MCM4: variants seen among roughly 807,000 people sequenced by gnomAD.
MCM4 encodes the protein DNA replication licensing factor MCM4.
In MCM4, 60 loss-of-function variants were observed where a neutral mutation model predicts 88.7. The observed-to-expected ratio is 0.68, with a 90% CI of 0.55 to 0.84. The LOEUF (loss-of-function observed/expected upper bound fraction) is 0.84. MCM4 is among the 40% of genes least tolerant of loss of function. MCM4 has a pLI of 0.00. For missense variants in MCM4, 1,149 were observed against 1,105.5 expected, an observed-to-expected ratio of 1.04 and a Z score of -0.56; for synonymous variants, 465 against 410.5, an observed-to-expected ratio of 1.13 and a Z score of -1.61.
At chr8:47,963,159 A>G (rs1185994439) in intron 7 of MCM4, 119 bp downstream of exon 7, 1 of 634,046 alleles carries the variant, frequency 1.6e-6, no homozygotes, top group Non-Finnish European at 2.7e-6. Context: ...GAAACTGAGT[A>G]TCATCTCCTT....
chr8:47,973,150 A>G (rs1207537024), intron 14 of MCM4, 86 bp downstream of exon 14: 2 of 1,182,612 alleles, frequency 1.7e-6, no homozygotes, highest in Non-Finnish European at 1.2e-6. Context: ...AATATTAATT[A>G]TTTTGTTACG....
intron 11 of MCM4, 79 bp downstream of exon 11, chr8:47,970,136 C>A: frequency 6.8e-7 from 1 of 1,481,020 alleles, no homozygotes; most frequent in Non-Finnish European, 9.2e-7. Context: ...CTCCGCCACT[C>A]GAGCCATCCG....
chr8:47,962,854 G>A lies in MCM4; in HGVS notation c.592G>A (p.Gly198Arg). Reference protein sequence around the residue: ...ITEPLYMQRLGEINVIGEPFL... With the variant: ...ITEPLYMQRLREINVIGEPFL... Reference sequence around the variant, plus strand: ...TGAACCTCTATACATGCAACGACTTGGGGAGGTAATCAAATACTCTTTAAA... The same window carrying A: ...TGAACCTCTATACATGCAACGACTTAGGGAGGTAATCAAATACTCTTTAAA... The change falls in exon 6 of 17, where the codon GGG becomes AGG. Residue 198 changes from glycine (G) to arginine (R), a missense_variant. Coordinates refer to ENST00000649973, the MANE Select transcript of MCM4 (RefSeq NM_182746.3). 5 of 1,600,588 alleles carry A rather than the reference G, an allele frequency of 3.1e-6. No individual in the cohort carries two copies. Among genetic ancestry groups the A allele is most frequent in the African/African-American group, 1.3e-5 (1 of 74,184 alleles).
chr8:47,965,764 T>C (rs1302023447), intron 8 of MCM4, among the ~76,000 whole-genome samples: 1 of 152,204 alleles, frequency 6.6e-6, no homozygotes, highest in East Asian at 1.9e-4. Flanking sequence ...CTTACTAGGC[T>C]TGAAGTACAT....
intron 16 of MCM4, 133 bp downstream of exon 16, chr8:47,975,981 C>G (rs1158069686): frequency 4.2e-6 from 3 of 713,178 alleles, no homozygotes; most frequent in Non-Finnish European, 6.0e-6. Flanking sequence ...GAACCATAAG[C>G]CATCATCAAG....
intron 11 of MCM4, 81 bp from the exon 12 acceptor site, chr8:47,970,430 G>A: frequency 6.7e-7 from 1 of 1,487,872 alleles, no homozygotes; most frequent in East Asian, 2.3e-5. Flanking sequence ...TTATAAGAGA[G>A]AAAAGTACCT....
chr8:47,971,209 A>C (rs2090950787), intron 12 of MCM4, 132 bp from the exon 13 acceptor site: 1 of 1,063,870 alleles, frequency 9.4e-7, no homozygotes, highest in African/African-American at 1.6e-5. Context: ...TGAAGTCAGT[A>C]AAGGCAACAT....
intron 7 of MCM4, among the ~76,000 whole-genome samples, chr8:47,963,724 C>G (rs545096699): frequency 3.3e-5 from 5 of 152,266 alleles, no homozygotes; most frequent in Admixed American, 1.3e-4. Flanking sequence ...TACTTCTAAG[C>G]CTCAGGTCAG....
chr8:47,970,116 T>C lies in MCM4; in HGVS notation c.1434+59T>C, dbSNP rs973059823. The C allele has an allele frequency of 7.0e-6, 11 of 1,569,062 alleles. No individual in the cohort carries two copies. The Admixed American group carries it at 1.9e-4, about 27-fold the overall frequency. ...TACAATTCTTTGGGATCAAATAGTA[T>C]AAACATCCACTCCGCCACTCGAGCC... On this transcript the variant is annotated intron_variant, in intron 11 of 16. Coordinates refer to ENST00000649973, the MANE Select transcript of MCM4 (RefSeq NM_182746.3).
intron 8 of MCM4, among the ~76,000 whole-genome samples, chr8:47,965,354 T>C (rs2090889340): frequency 6.6e-6 from 1 of 152,166 alleles, no homozygotes; most frequent in Non-Finnish European, 1.5e-5. Flanking sequence ...CATGTAATCC[T>C]AGCACTCTGG....
rs749639468 is a variant in MCM4, at chr8:47,961,684, C to G, written c.235+4C>G. On this transcript the variant is annotated splice_donor_region_variant and intron_variant, in intron 3 of 16. Transcript: ENST00000649973. ...CCTCCCCAAATGCATTCTTCAGGTG[C>G]GTGTCTGAAGATCTTGGTTTTGCTG... The G allele has an allele frequency of 1.3e-5, 21 of 1,600,282 alleles. No homozygotes were observed. Among genetic ancestry groups the G allele is most frequent in the Non-Finnish European group, 1.8e-5 (21 of 1,171,864 alleles).
At position 47,960,963 on chromosome 8, in the gene MCM4, C is replaced by T. The variant is rs1343315951; in HGVS notation, c.-66C>T. 1.0e-5 allele frequency: 6 copies of T among 588,796 alleles called. No homozygotes were observed. Among genetic ancestry groups the T allele is most frequent in the Admixed American group, 4.4e-5 (1 of 22,846 alleles). 36.5% of individuals were successfully genotyped at this position (588,796 alleles called of 1,614,324 possible). On this transcript the variant is annotated 5_prime_UTR_variant, in exon 1 of 17. Transcript: ENST00000649973. ...CTCGCGGTTTGGGAGCGCTACTCGCCAGGTGGACTCGGAGTCCGCGAGCGT... is the reference window on the plus strand; with the variant it reads ...CTCGCGGTTTGGGAGCGCTACTCGCTAGGTGGACTCGGAGTCCGCGAGCGT...
At chr8:47,971,892 A>C (rs950306579) in intron 13 of MCM4, among the ~76,000 whole-genome samples, 7 of 152,004 alleles carry the variant, frequency 4.6e-5, no homozygotes, top group African/African-American at 1.7e-4. Flanking sequence ...TTTTTGACAG[A>C]AGTTTTTTTT....
chr8:47,971,240 A>G, intron 12 of MCM4, 101 bp from the exon 13 acceptor site: 2 of 1,380,346 alleles, frequency 1.4e-6, no homozygotes, highest in Middle Eastern at 4.8e-4. Flanking sequence ...ATAGAAACTC[A>G]GTGGAGGGAA....
intron 11 of MCM4, 145 bp downstream of exon 11, chr8:47,970,202 A>G (rs1333526911): frequency 3.1e-6 from 3 of 952,616 alleles, no homozygotes; most frequent in Non-Finnish European, 4.7e-6. Flanking sequence ...CTGACTTGCC[A>G]TTGGTTGAGA....
rs766441674 is a variant in MCM4, at chr8:47,973,036, G to C, written c.2108G>C (p.Ser703Thr). The part of the protein sequence containing the change: ...YAHSTIMPRL[S>T]EEASQALIEA... ...CACAGCACCATCATGCCGCGGCTAAGTGAGGAAGCCAGCCAGGCTCTCATC... is the reference window on the plus strand; with the variant it reads ...CACAGCACCATCATGCCGCGGCTAACTGAGGAAGCCAGCCAGGCTCTCATC... The change falls in exon 14 of 17, where the codon AGT (serine) becomes ACT (threonine). Residue 703 changes from serine (S) to threonine (T), a missense_variant. Ser to Thr is a moderately conservative substitution (Grantham distance 58, BLOSUM62 1). Around this residue, in one of 3 missense-constraint regions of MCM4, gnomAD observed 238 missense variants for 241.6 expected, o/e 0.99. Transcript: ENST00000649973. 1 of 1,613,762 alleles carries C rather than the reference G, an allele frequency of 6.2e-7. No homozygotes were observed. The highest frequency in any genetic ancestry group is 1.7e-5 in the Admixed American group (1 of 59,988).
Position 47,963,036 on chromosome 8 carries a change from C to T in MCM4, c.689C>T (p.Pro230Leu). 6.4e-7 allele frequency: 1 copy of T among 1,561,096 alleles called. No individual in the cohort carries two copies. The highest frequency in any genetic ancestry group is 8.8e-7 in the Non-Finnish European group (1 of 1,142,102). ...TTGTACAGACAACTCATCTCTTACC[C>T]ACAGGTAAGAATTTAGCTTTGACCT... ...KNLYRQLISY[P>L]QEVIPTFDMA... The change falls in exon 7 of 17, where the codon CCA (proline) becomes CTA (leucine). Residue 230 changes from proline (P) to leucine (L), a missense_variant. Pro to Leu is a moderately conservative substitution (Grantham distance 98). This residue lies in a region of MCM4 where 906 missense variants were observed against 843.0 expected (regional missense o/e 1.07). Transcript: ENST00000649973.
chr8:47,973,439 G>A (rs2154505410), intron 14 of MCM4, among the ~76,000 whole-genome samples: 1 of 152,106 alleles, frequency 6.6e-6, no homozygotes, highest in African/African-American at 2.4e-5. Flanking sequence ...GCCTCCCAAA[G>A]TGTTAGGATT....
chr8:47,967,944 C>T (rs1162091548), intron 10 of MCM4, among the ~76,000 whole-genome samples: 1 of 152,186 alleles, frequency 6.6e-6, no homozygotes, highest in Non-Finnish European at 1.5e-5. Flanking sequence ...TTGTTTGTTA[C>T]AGAGAAAAAT....
Sources: allele counts gnomAD v4.1 joint callset (sites outside exome capture counted in the v4.1 genomes callset), GRCh38; gene constraint gnomAD v4.1.1; regional missense constraint gnomAD v4.1.1; transcripts MANE v1.5; gene names NCBI Gene and HGNC (gene_info 2026-07-23, HGNC 2026-07-21).